The following ERC1 variants were observed in gnomAD, a reference collection of about 807,000 sequenced individuals.
ERC1 encodes the protein RAB6 interacting protein 2.
ERC1 carries 56 observed loss-of-function variants against 132.0 expected under a neutral mutation model. That is an observed-to-expected ratio of 0.42 (90% confidence interval 0.34 to 0.53). The LOEUF is 0.53. Among genes scored for constraint, ERC1 ranks in the 20% least tolerant of loss-of-function variants. The pLI is 0.03. For synonymous variants in ERC1, 478 were observed against 476.1 expected (o/e 1.00, Z -0.05); for missense variants, 1,202 against 1,349.9 (o/e 0.89, Z 1.72).
chr12:1,126,986 C>CCAAAAAAAAAAAAA (rs1948241712), intron 7 of ERC1, among the ~76,000 whole-genome samples: 1 of 114,192 alleles, frequency 8.8e-6, no homozygotes, highest in Non-Finnish European at 1.7e-5. Context: ...GATTCTGTCT[C>CCAAAAAAAAAAAAA]AAAAAAAAAA....
intron 16 of ERC1, among the ~76,000 whole-genome samples, chr12:1,398,327 T>C (rs1486211035): frequency 2.0e-5 from 3 of 152,124 alleles, no homozygotes; most frequent in Non-Finnish European, 2.9e-5. Context: ...TTGATAGTAA[T>C]TGTATTGGTT....
At chr12:1,188,298 G>C (rs1040837906) in intron 11 of ERC1, among the ~76,000 whole-genome samples, 3 of 152,078 alleles carry the variant, frequency 2.0e-5, no homozygotes, top group African/African-American at 4.8e-5. Flanking sequence ...TGTGTAATAT[G>C]ATCAGCTTTC....
intron 17 of ERC1, among the ~76,000 whole-genome samples, chr12:1,409,884 T>A (rs1052545769): frequency 2.0e-5 from 3 of 152,014 alleles, no homozygotes; most frequent in Non-Finnish European, 2.9e-5. Flanking sequence ...AATGTTTGTA[T>A]TTTAGTTAGA....
chr12:1,455,245 T>C (rs896010839), intron 18 of ERC1, among the ~76,000 whole-genome samples: 4 of 152,238 alleles, frequency 2.6e-5, no homozygotes, highest in African/African-American at 9.6e-5. Context: ...TCTCTTCTAA[T>C]CTTCATACAA....
chr12:1,036,250 G>A (rs1224984932), intron 2 of ERC1, among the ~76,000 whole-genome samples: 1 of 141,544 alleles, frequency 7.1e-6, no homozygotes, highest in Non-Finnish European at 1.5e-5. Flanking sequence ...ATAACCTTGT[G>A]TAATTCTTTG....
intron 17 of ERC1, among the ~76,000 whole-genome samples, chr12:1,437,428 A>G (rs1298239499): frequency 6.6e-6 from 1 of 152,230 alleles, no homozygotes; most frequent in Non-Finnish European, 1.5e-5. Flanking sequence ...AAGCAAGTAT[A>G]GAGATGCCTA....
rs772165451 is a variant in ERC1 at position 1,028,105 on chromosome 12, A to G, written c.202A>G (p.Thr68Ala). The G allele has an allele frequency of 6.2e-7, 1 of 1,614,144 alleles. No homozygotes were observed. The highest frequency in any genetic ancestry group is 1.6e-4 in the Middle Eastern group (1 of 6,062). ...NIQSLNAAYA[T>A]SGPMYLSDHE... ...ACAATCTTTAAATGCTGCCTATGCC[A>G]CCTCTGGCCCTATGTATCTAAGTGA... Residue 68 changes from threonine to alanine, a missense_variant, in exon 2 of 19, where the codon ACC (threonine) becomes GCC (alanine). By Grantham distance (58) the Thr-to-Ala change is moderately conservative. Coordinates refer to ENST00000360905, the MANE Select transcript of ERC1 (RefSeq NM_178040.4).
intron 17 of ERC1, among the ~76,000 whole-genome samples, chr12:1,420,805 T>C (rs900511300): frequency 6.6e-6 from 1 of 151,800 alleles, no homozygotes; most frequent in African/African-American, 2.4e-5. Context: ...TGGAACTCTT[T>C]ACAAAATGAG....
rs563984122 is a variant in ERC1, at chr12:1,494,977, C to A, written c.*4747C>A. The A allele has an allele frequency of 4.8e-5, 11 of 230,746 alleles. No homozygotes were observed. In the Admixed American group the frequency reaches 6.2e-4, roughly 13 times the overall value. The allele number at this position is 230,746 out of a possible 1,614,324, so 14.3% of individuals were successfully genotyped here. ...GGGTAGTGCCTGCCTGGGCAAGAGA[C>A]ACCTGCCGAGCAAAAGGAACGAGAA... On this transcript the variant is annotated 3_prime_UTR_variant, in exon 19 of 19. Coordinates refer to ENST00000360905, the MANE Select transcript of ERC1 (RefSeq NM_178040.4).
chr12:1,232,868 A>G (rs1003471878), intron 12 of ERC1, among the ~76,000 whole-genome samples: 9 of 152,162 alleles, frequency 5.9e-5, no homozygotes, highest in Non-Finnish European at 7.4e-5. Context: ...GATGTGTTAT[A>G]TAACTGTAAA....
intron 17 of ERC1, among the ~76,000 whole-genome samples, chr12:1,413,231 T>A (rs1157002394): frequency 6.6e-6 from 1 of 152,110 alleles, no homozygotes; most frequent in African/African-American, 2.4e-5. Context: ...ACACACGGAC[T>A]GAAGCAAGGA....
chr12:1,181,939 A>G lies in ERC1; in HGVS notation c.1890A>G (p.Glu630=). 6.2e-7 allele frequency: 1 copy of G among 1,613,606 alleles called. No individual in the cohort carries two copies. Residue 630 remains glutamate, a synonymous_variant, in exon 10 of 19, where the codon GAA becomes GAG. Transcript: ENST00000360905. ...TCTCTCATCAGGAGCGGACAATTGAACGCTTAAAGGAGCAGAGGGACAGAG... is the reference window on the plus strand; with the variant it reads ...TCTCTCATCAGGAGCGGACAATTGAGCGCTTAAAGGAGCAGAGGGACAGAG... The part of the protein sequence containing the change: ...EALAEKERTI[E]RLKEQRDRDE...
rs1474135555 is a variant in ERC1 at position 1,121,801 on chromosome 12, ATCTCTATCTCTATCTCTATCTGTG to A, written c.1569+5784_1569+5807del. On this transcript the variant is annotated intron_variant, in intron 7 of 18. Transcript: ENST00000360905. ...TCTATCTATCTCTATCTCTATCTCT[ATCTCTATCTCTATCTCTATCTGTG>A]TCTCTATCTCTATCTATCTCTATCT... Among the ~76,000 whole-genome samples, 9 of 12,446 alleles carry A rather than the reference ATCTCTATCTCTATCTCTATCTGTG, an allele frequency of 7.2e-4. 1 individual carries two copies. The highest frequency in any genetic ancestry group is 1.6e-3 in the Admixed American group (2 of 1,272). 8.2% of individuals were successfully genotyped at this position (12,446 alleles called of 152,430 possible). A position where few individuals can be genotyped will look rare whatever the true frequency, so the allele number is the denominator to read the frequency against.
At chr12:1,042,805 A>G (rs1194982976) in intron 2 of ERC1, among the ~76,000 whole-genome samples, 2 of 152,108 alleles carry the variant, frequency 1.3e-5, no homozygotes, top group Non-Finnish European at 2.9e-5. Context: ...TCTTTTGATT[A>G]TCTTTCATGG....
At chr12:1,258,982 T>C (rs1173280616) in intron 13 of ERC1, among the ~76,000 whole-genome samples, 2 of 152,234 alleles carry the variant, frequency 1.3e-5, no homozygotes, top group Non-Finnish European at 2.9e-5. Flanking sequence ...ATATCAGTTA[T>C]CTAAACAATG....
intron 15 of ERC1, among the ~76,000 whole-genome samples, chr12:1,347,368 G>A (rs975759659): frequency 1.3e-5 from 2 of 152,108 alleles, no homozygotes; most frequent in African/African-American, 4.8e-5. Flanking sequence ...AATAAAAATT[G>A]TGTATGTCCA....
At chr12:1,344,791 C>A (rs114186000) in intron 15 of ERC1, among the ~76,000 whole-genome samples, 1 of 152,148 alleles carries the variant, frequency 6.6e-6, no homozygotes. Context: ...GTTAAGTTTA[C>A]ACATTTATAT....
At chr12:1,481,067 G>A (rs2094081148) in intron 18 of ERC1, among the ~76,000 whole-genome samples, 1 of 152,164 alleles carries the variant, frequency 6.6e-6, no homozygotes, top group Non-Finnish European at 1.5e-5. Context: ...CACAGTAAGA[G>A]ATTAATAATA....
chr12:1,147,004 T>G (rs1302737157), intron 8 of ERC1, among the ~76,000 whole-genome samples: 1 of 152,234 alleles, frequency 6.6e-6, no homozygotes, highest in Non-Finnish European at 1.5e-5. Context: ...GTGCCACATT[T>G]TCTTAATCCA....
Sources: gnomAD v4.1 joint callset for allele counts (sites outside exome capture counted in the v4.1 genomes callset) on GRCh38, gnomAD v4.1.1 for gene constraint, MANE v1.5 for transcripts, NCBI Gene and HGNC (gene_info 2026-07-23, HGNC 2026-07-21) for gene names.